The following PCDH11X variants were observed in gnomAD, a reference collection of about 807,000 sequenced individuals.
PCDH11X encodes the protein protocadherin-11 X-linked.
PCDH11X carries 18 observed loss-of-function variants against 53.3 expected under a neutral mutation model. The observed-to-expected ratio is 0.34, with a 90% CI of 0.23 to 0.50. PCDH11X has a LOEUF of 0.50. Among genes scored for constraint, PCDH11X ranks in the 20% least tolerant of loss-of-function variants. The pLI is 0.98. For synonymous variants in PCDH11X, 279 were observed against 393.3 expected, an observed-to-expected ratio of 0.71 and a Z score of 3.44; for missense variants, 570 against 1,032.4, an observed-to-expected ratio of 0.55 and a Z score of 6.14.
chrX:92,230,790 C>T (rs1219161755), intron 7 of PCDH11X, among the ~76,000 whole-genome samples: 1 of 107,999 alleles, frequency 9.3e-6, no homozygotes, highest in Non-Finnish European at 1.9e-5. Context: ...CTTGCCAGTG[C>T]TGCTGATAAA....
intron 1 of PCDH11X, among the ~76,000 whole-genome samples, chrX:91,808,430 G>A (rs1438815414): frequency 9.1e-5 from 10 of 109,321 alleles, no homozygotes; most frequent in African/African-American, 3.0e-4. Context: ...GGGAGACGGA[G>A]GTTGCAGTGA....
chrX:92,132,997 C>T (rs2065022550), intron 6 of PCDH11X, among the ~76,000 whole-genome samples: 1 of 110,584 alleles, frequency 9.0e-6, no homozygotes, highest in Non-Finnish European at 1.9e-5. Context: ...ATTCAATATT[C>T]ATGACTAGTC....
At chrX:92,195,782 GC>G (rs1297444907) in intron 6 of PCDH11X, among the ~76,000 whole-genome samples, 4 of 111,578 alleles carry the variant, frequency 3.6e-5, no homozygotes, top group African/African-American at 1.3e-4. Flanking sequence ...TGCATACAAA[GC>G]TCAAGACAAA....
intron 6 of PCDH11X, among the ~76,000 whole-genome samples, chrX:91,996,216 G>A (rs180844986): frequency 2.4e-3 from 223 of 94,561 alleles, no homozygotes; most frequent in African/African-American, 8.6e-3. Flanking sequence ...GTGCAATCTC[G>A]GCTCACTGCA....
chrX:91,936,580 T>A (rs2147848851), intron 6 of PCDH11X, among the ~76,000 whole-genome samples: 1 of 106,670 alleles, frequency 9.4e-6, no homozygotes, highest in South Asian at 3.8e-4. Flanking sequence ...TATAGTATAA[T>A]ATAGTTGAGA....
At chrX:92,452,463 G>GTGTGTGTA (rs1415846958) in intron 9 of PCDH11X, among the ~76,000 whole-genome samples, 4 of 44,711 alleles carry the variant, frequency 8.9e-5, no homozygotes, top group Non-Finnish European at 1.1e-4. Flanking sequence ...GTGTGTGTGT[G>GTGTGTGTA]TATATATATA....
At chrX:92,530,910 T>A (rs1188824855) in intron 10 of PCDH11X, among the ~76,000 whole-genome samples, 2 of 109,859 alleles carry the variant, frequency 1.8e-5, no homozygotes, top group African/African-American at 3.3e-5. Context: ...GCAATTTTTT[T>A]TATAATTCTC....
At chrX:92,541,448 A>T (rs2074755359) in intron 10 of PCDH11X, among the ~76,000 whole-genome samples, 1 of 111,212 alleles carries the variant, frequency 9.0e-6, no homozygotes, top group Admixed American at 9.5e-5. Context: ...CAGCTATTTC[A>T]GACTGTTTCT....
At chrX:92,067,939 T>G (rs1178097414) in intron 6 of PCDH11X, among the ~76,000 whole-genome samples, 1 of 111,104 alleles carries the variant, frequency 9.0e-6, no homozygotes, top group African/African-American at 3.3e-5. Context: ...GTTTTCCAAT[T>G]TAAAGGCATG....
chrX:92,610,879 A>G (rs1040614491), intron 10 of PCDH11X, among the ~76,000 whole-genome samples: 5 of 111,223 alleles, frequency 4.5e-5, no homozygotes, highest in Non-Finnish European at 9.5e-5. Context: ...TAATTTTGTC[A>G]ACTTTGTCAA....
At chrX:92,114,099 C>T in intron 6 of PCDH11X, 4 of 1,156,423 alleles carry the variant, frequency 3.5e-6, no homozygotes, top group Non-Finnish European at 4.7e-6. Context: ...CTACTAGTGC[C>T]ATGACCACCT....
chrX:91,929,432 G>C (rs1323916209), intron 6 of PCDH11X, among the ~76,000 whole-genome samples: 2 of 110,289 alleles, frequency 1.8e-5, no homozygotes, highest in Admixed American at 9.7e-5. Flanking sequence ...CTTTGTGTCT[G>C]TTATTCAGGT....
At chrX:92,607,077 G>A (rs186315825) in intron 10 of PCDH11X, among the ~76,000 whole-genome samples, 1 of 111,368 alleles carries the variant, frequency 9.0e-6, no homozygotes, top group East Asian at 2.8e-4. Context: ...TGATGTTTAT[G>A]TAAAATAGTG....
intron 7 of PCDH11X, among the ~76,000 whole-genome samples, chrX:92,219,150 CCT>C (rs1348228162): frequency 9.0e-6 from 1 of 110,759 alleles, no homozygotes; most frequent in Non-Finnish European, 1.9e-5. Flanking sequence ...ACAGGGATGC[CCT>C]CTCTCACCAC....
rs994123974 is a variant in PCDH11X, at chrX:92,172,584, T to C, written c.3034-28791T>C. Among the ~76,000 whole-genome samples, 12 of 110,099 alleles carry C rather than the reference T, an allele frequency of 1.1e-4. No individual in the cohort carries two copies. In the Admixed American group the frequency reaches 1.2e-3, roughly 11 times the overall value. ...AACAAATTTTTTTTTGACATTAGAT[T>C]ATTAGTAAAACTGCCCCATTGCTCA... On this transcript the variant is annotated intron_variant, in intron 6 of 10. Coordinates refer to ENST00000682573, the MANE Select transcript of PCDH11X (RefSeq NM_032968.5).
At chrX:92,103,266 G>T (rs992415545) in intron 6 of PCDH11X, among the ~76,000 whole-genome samples, 1 of 110,952 alleles carries the variant, frequency 9.0e-6, no homozygotes, top group Non-Finnish European at 1.9e-5. Flanking sequence ...GTGCATAAAA[G>T]CGTGTTGTCT....
chrX:91,815,116 G>C (rs1936412903), intron 4 of PCDH11X, among the ~76,000 whole-genome samples: 2 of 110,858 alleles, frequency 1.8e-5, no homozygotes, highest in Admixed American at 1.9e-4. Flanking sequence ...AAGTCACACA[G>C]CTAGTGAGTG....
At chrX:92,511,131 G>A in intron 10 of PCDH11X, among the ~76,000 whole-genome samples, 1 of 111,693 alleles carries the variant, frequency 9.0e-6, no homozygotes, top group Non-Finnish European at 1.9e-5. Context: ...AATCTCACTG[G>A]AGAGATTAGT....
intron 9 of PCDH11X, chrX:92,420,543 G>T (rs764994273): frequency 9.8e-5 from 34 of 347,979 alleles, no homozygotes; most frequent in African/African-American, 8.9e-4. Flanking sequence ...TCCCAAGGAG[G>T]GTTTTTAATG....
Sources: gnomAD v4.1 joint callset for allele counts (sites outside exome capture counted in the v4.1 genomes callset) on GRCh38, gnomAD v4.1.1 for gene constraint, MANE v1.5 for transcripts, NCBI Gene and HGNC (gene_info 2026-07-23, HGNC 2026-07-21) for gene names.